NOL4L: variants seen among roughly 807,000 people sequenced by gnomAD.
NOL4L encodes nucleolar protein 4 like.
A neutral mutation model predicts 64.5 loss-of-function variants in NOL4L; 7 were observed. The observed-to-expected ratio is 0.11, with a 90% confidence interval of 0.06 to 0.20. The LOEUF (loss-of-function observed/expected upper bound fraction) is 0.20, where lower values mean the gene tolerates loss of function less well. Among genes scored for constraint, NOL4L ranks in the 10% least tolerant of loss-of-function variants. The pLI is 1.00. For synonymous variants in NOL4L, 413 were observed against 401.0 expected (o/e 1.03, Z -0.36); for missense variants, 680 against 967.1 (o/e 0.70, Z 3.94).
chr20:32,507,301 T>C (rs528410172), intron 4 of NOL4L, among the ~76,000 whole-genome samples: 88 of 152,338 alleles, frequency 5.8e-4, no homozygotes, highest in African/African-American at 2.0e-3. Context: ...ATGACAGCTC[T>C]TGGGGTCTGT....
intron 4 of NOL4L, chr20:32,483,600 GGAGGGGGCACCGGGCACGGGGAGGCGGGA>G: frequency 2.5e-6 from 2 of 804,030 alleles, no homozygotes; most frequent in Non-Finnish European, 2.9e-6. Flanking sequence ...GGAGGAAGGG[GGAGGGGGCACCGGGCACGGGGAGGCGGGA>G]GAGGGGGCGG....
At position 32,445,404 on chromosome 20, in the gene NOL4L, A is replaced by C. The variant is rs1415572559; in HGVS notation, c.*2192T>G. ...GGTACTGCCTCTGGGAGGAGAAGTGACACGTTAAGTAACTGATACCAGGAA... is the reference window on the plus strand; with the variant it reads ...GGTACTGCCTCTGGGAGGAGAAGTGCCACGTTAAGTAACTGATACCAGGAA... On this transcript the variant is annotated 3_prime_UTR_variant, in exon 11 of 11. Coordinates refer to ENST00000621426, the MANE Select transcript of NOL4L (RefSeq NM_001256798.2). 6.6e-6 allele frequency: 1 copy of C among 152,232 alleles called. No individual in the cohort carries two copies. The allele number at this position is 152,232 out of a possible 1,614,324, so 9.4% of individuals were successfully genotyped here. A position where few individuals can be genotyped will look rare whatever the true frequency, so the allele number is the denominator to read the frequency against.
At chr20:32,551,677 TGAG>T (rs1368738391) in intron 1 of NOL4L, among the ~76,000 whole-genome samples, 3 of 151,130 alleles carry the variant, frequency 2.0e-5, no homozygotes, top group Non-Finnish European at 2.9e-5. Flanking sequence ...CAAGAGGAAA[TGAG>T]GAGTGAGGGG....
intron 3 of NOL4L, among the ~76,000 whole-genome samples, chr20:32,516,422 G>A (rs1163726417): frequency 6.6e-6 from 1 of 152,192 alleles, no homozygotes; most frequent in African/African-American, 2.4e-5. Flanking sequence ...AGGAAACAAG[G>A]GTGAAGGATG....
intron 1 of NOL4L, among the ~76,000 whole-genome samples, chr20:32,563,126 C>G (rs1340636138): frequency 2.2e-3 from 1 of 448 alleles, no homozygotes; most frequent in Non-Finnish European, 4.4e-3. Context: ...GAGTGGAGGG[C>G]AGGGAGGCTG....
At chr20:32,518,507 G>A (rs1238378590) in intron 3 of NOL4L, among the ~76,000 whole-genome samples, 2 of 152,216 alleles carry the variant, frequency 1.3e-5, no homozygotes, top group East Asian at 1.9e-4. Flanking sequence ...TGAGGAGTGC[G>A]GAGGGAGCTG....
At position 32,445,066 on chromosome 20, in the gene NOL4L, G is replaced by A. The variant is rs930212590; in HGVS notation, c.*2530C>T. On this transcript the variant is annotated 3_prime_UTR_variant, in exon 11 of 11. Coordinates refer to ENST00000621426, the MANE Select transcript of NOL4L (RefSeq NM_001256798.2). The stretch of plus-strand genomic sequence containing the variant: ...CAGGTGTAGTTTCACTGGAAAGGAG[G>A]AGCCCACCCAAGAGGTGGGGTCGAC... 6.6e-6 allele frequency: 1 copy of A among 152,218 alleles called. No homozygotes were observed. Among genetic ancestry groups the A allele is most frequent in the Non-Finnish European group, 1.5e-5 (1 of 68,034 alleles). The allele number at this position is 152,218 out of a possible 1,614,324, so 9.4% of individuals were successfully genotyped here.
chr20:32,468,765 G>T (rs961500159), intron 5 of NOL4L, among the ~76,000 whole-genome samples: 97 of 152,134 alleles, frequency 6.4e-4, no homozygotes, highest in African/African-American at 2.3e-3. Context: ...CAGGCGTGGT[G>T]GTGCACGCCT....
At chr20:32,565,943 T>G (rs888757688) in intron 1 of NOL4L, among the ~76,000 whole-genome samples, 1 of 151,952 alleles carries the variant, frequency 6.6e-6, no homozygotes, top group Admixed American at 6.6e-5. Flanking sequence ...TGCCAGCCAC[T>G]CGGGAGGCTG....
At chr20:32,496,529 G>C (rs921045610) in intron 4 of NOL4L, among the ~76,000 whole-genome samples, 1 of 151,858 alleles carries the variant, frequency 6.6e-6, no homozygotes, top group Non-Finnish European at 1.5e-5. Flanking sequence ...TGATTTTTGA[G>C]TGAAGGAAGG....
intron 10 of NOL4L, 27 bp from the exon 11 acceptor site, chr20:32,447,843 G>C: frequency 6.6e-7 from 1 of 1,522,506 alleles, no homozygotes; most frequent in Non-Finnish European, 8.8e-7. Flanking sequence ...AGGGTGAGAA[G>C]GGAGCAGCCA....
rs548737476 is a variant in NOL4L, at chr20:32,506,385, G to C, written c.699+4962C>G. Among the ~76,000 whole-genome samples, 16 of 152,104 alleles carry C rather than the reference G, an allele frequency of 1.1e-4. No homozygotes were observed. The South Asian group carries it at 1.7e-3, about 16-fold the overall frequency. On this transcript the variant is annotated intron_variant, in intron 4 of 10. Transcript: ENST00000621426. The stretch of plus-strand genomic sequence containing the variant: ...GGCATTTTAAAAATAAGCCAGGCCC[G>C]GCACGGTGGCTCACACTTGTAATCC...
At chr20:32,512,008 A>C (rs1421795813) in intron 3 of NOL4L, among the ~76,000 whole-genome samples, 1 of 152,050 alleles carries the variant, frequency 6.6e-6, no homozygotes, top group Non-Finnish European at 1.5e-5. Flanking sequence ...GTGAGAATCT[A>C]TCTCTAAAAA....
At chr20:32,458,945 A>G (rs1241114434) in intron 5 of NOL4L, among the ~76,000 whole-genome samples, 1 of 152,232 alleles carries the variant, frequency 6.6e-6, no homozygotes, top group Non-Finnish European at 1.5e-5. Flanking sequence ...AGCCTCTACC[A>G]GGTCAGATGC....
intron 1 of NOL4L, among the ~76,000 whole-genome samples, chr20:32,554,117 G>A (rs1456096854): frequency 5.9e-5 from 9 of 152,130 alleles, no homozygotes; most frequent in East Asian, 3.9e-4. Flanking sequence ...TCAGGAGATC[G>A]AGACCATCCT....
At chr20:32,502,280 T>C (rs2016950928) in intron 4 of NOL4L, among the ~76,000 whole-genome samples, 1 of 152,200 alleles carries the variant, frequency 6.6e-6, no homozygotes, top group Non-Finnish European at 1.5e-5. Flanking sequence ...TCTGCTATTT[T>C]TCTATATGAT....
chr20:32,515,473 G>A (rs751977811), intron 3 of NOL4L, among the ~76,000 whole-genome samples: 15 of 152,144 alleles, frequency 9.9e-5, no homozygotes, highest in Admixed American at 7.9e-4. Flanking sequence ...AGAAAAGCAG[G>A]CAAGCTTTTC....
chr20:32,457,012 G>T (rs1311111419), intron 5 of NOL4L, among the ~76,000 whole-genome samples: 2 of 152,196 alleles, frequency 1.3e-5, no homozygotes, highest in African/African-American at 2.4e-5. Context: ...CTCCGTGCAG[G>T]CCCCACGGCC....
intron 1 of NOL4L, among the ~76,000 whole-genome samples, chr20:32,580,169 G>A (rs1213484367): frequency 6.6e-6 from 1 of 152,208 alleles, no homozygotes; most frequent in Non-Finnish European, 1.5e-5. Context: ...GGGAAGTTCT[G>A]AACCTCCCTA....
Sources: allele counts gnomAD v4.1 joint callset (sites outside exome capture counted in the v4.1 genomes callset), GRCh38; gene constraint gnomAD v4.1.1; transcripts MANE v1.5; gene names NCBI Gene and HGNC (gene_info 2026-07-23, HGNC 2026-07-21).